The following ANGPT1 variants were observed in gnomAD, a reference collection of about 807,000 sequenced individuals.
ANGPT1 encodes angiopoietin-1.
A neutral mutation model predicts 62.2 loss-of-function variants in ANGPT1; 17 were observed. That is an observed-to-expected ratio of 0.27 (90% CI 0.19 to 0.41). The LOEUF is 0.41. Among genes scored for constraint, ANGPT1 ranks in the 10% least tolerant of loss-of-function variants. The probability of loss-of-function intolerance (pLI) is 1.00; values close to 1 mark genes in which losing one functional copy is unlikely to be tolerated. For synonymous variants in ANGPT1, 199 were observed against 198.9 expected, an observed-to-expected ratio of 1.00 and a Z score of 0.00; for missense variants, 478 against 594.9, an observed-to-expected ratio of 0.80 and a Z score of 2.04.
intron 1 of ANGPT1, among the ~76,000 whole-genome samples, chr8:107,482,579 C>T (rs950937078): frequency 6.6e-6 from 1 of 152,046 alleles, no homozygotes; most frequent in African/African-American, 2.4e-5. Flanking sequence ...TATGGCCCAG[C>T]CAGATTCAAG....
At chr8:107,273,151 GT>G (rs1375565376) in intron 7 of ANGPT1, among the ~76,000 whole-genome samples, 1 of 151,988 alleles carries the variant, frequency 6.6e-6, no homozygotes, top group Non-Finnish European at 1.5e-5. Flanking sequence ...ATTGAAATTG[GT>G]GATTTTTCAG....
chr8:107,428,043 T>A (rs1416818554), intron 1 of ANGPT1, among the ~76,000 whole-genome samples: 2 of 152,178 alleles, frequency 1.3e-5, no homozygotes, highest in African/African-American at 4.8e-5. Context: ...GCTTATCCAG[T>A]AGGAAAATTT....
At chr8:107,293,261 C>T (rs1814324949) in intron 6 of ANGPT1, among the ~76,000 whole-genome samples, 1 of 151,972 alleles carries the variant, frequency 6.6e-6, no homozygotes, top group Non-Finnish European at 1.5e-5. Flanking sequence ...TTGCAGACCC[C>T]AGTGAGCCAT....
At chr8:107,484,465 G>A (rs1237580750) in intron 1 of ANGPT1, among the ~76,000 whole-genome samples, 3 of 151,962 alleles carry the variant, frequency 2.0e-5, no homozygotes, top group African/African-American at 4.8e-5. Context: ...GCAGTGCCAC[G>A]ATCCCAGCTC....
chr8:107,478,938 T>C (rs939707340), intron 1 of ANGPT1, among the ~76,000 whole-genome samples: 1 of 152,208 alleles, frequency 6.6e-6, no homozygotes, highest in Non-Finnish European at 1.5e-5. Flanking sequence ...GTATATAACC[T>C]ACTTGTTCAC....
At chr8:107,369,415 A>C (rs1448559072) in intron 1 of ANGPT1, among the ~76,000 whole-genome samples, 1 of 152,164 alleles carries the variant, frequency 6.6e-6, no homozygotes, top group Non-Finnish European at 1.5e-5. Flanking sequence ...TCATATTAGT[A>C]ATAAGCCTAT....
At chr8:107,301,150 G>A (rs1230273176) in intron 5 of ANGPT1, among the ~76,000 whole-genome samples, 1 of 151,890 alleles carries the variant, frequency 6.6e-6, no homozygotes, top group African/African-American at 2.4e-5. Context: ...TACTGATGAT[G>A]AAGTCAAAAA....
rs143746750 is a variant in ANGPT1, at chr8:107,373,992, C to G, written c.298-26895G>C. Reference sequence around the variant, plus strand: ...GAAAGTCAGCTGTTTGGTTCCCTTTCCAAAGAATTTCTGAACTTAGCACCA... The same window carrying G: ...GAAAGTCAGCTGTTTGGTTCCCTTTGCAAAGAATTTCTGAACTTAGCACCA... On this transcript the variant is annotated intron_variant, in intron 1 of 8. Transcript: ENST00000517746. Among the ~76,000 whole-genome samples, 425 of 152,264 alleles carry G rather than the reference C, an allele frequency of 2.8e-3. 1 individual carries two copies. Among genetic ancestry groups the G allele is most frequent in the African/African-American group, 9.7e-3 (401 of 41,544 alleles).
chr8:107,471,853 A>G (rs1001802226), intron 1 of ANGPT1, among the ~76,000 whole-genome samples: 7 of 152,104 alleles, frequency 4.6e-5, no homozygotes, highest in African/African-American at 1.7e-4. Context: ...TATCAAATTC[A>G]GAGCAGCAAA....
At chr8:107,266,946 G>GAAATAA (rs1417568589) in intron 7 of ANGPT1, among the ~76,000 whole-genome samples, 1 of 151,986 alleles carries the variant, frequency 6.6e-6, no homozygotes, top group East Asian at 1.9e-4. Context: ...GCAAAAAGAA[G>GAAATAA]AAATAAAAAT....
chr8:107,489,213 AC>A (rs1287232590), intron 1 of ANGPT1, among the ~76,000 whole-genome samples: 7 of 152,194 alleles, frequency 4.6e-5, no homozygotes, highest in Non-Finnish European at 8.8e-5. Context: ...GGTACATATT[AC>A]TAGTGATTTA....
At chr8:107,309,715 G>T (rs545356382) in intron 4 of ANGPT1, among the ~76,000 whole-genome samples, 2 of 152,228 alleles carry the variant, frequency 1.3e-5, no homozygotes, top group South Asian at 4.2e-4. Context: ...GGAAAATGTT[G>T]AGGTTGGTAT....
chr8:107,394,875 T>C (rs1816905336), intron 1 of ANGPT1, among the ~76,000 whole-genome samples: 1 of 152,202 alleles, frequency 6.6e-6, no homozygotes, highest in Non-Finnish European at 1.5e-5. Flanking sequence ...CATAAAAATA[T>C]GTAGCTCTTC....
chr8:107,490,901 C>T (rs1475335159), intron 1 of ANGPT1, among the ~76,000 whole-genome samples: 3 of 152,122 alleles, frequency 2.0e-5, no homozygotes, highest in East Asian at 1.9e-4. Flanking sequence ...GGATTTGGCC[C>T]AAGGGCCATC....
intron 1 of ANGPT1, among the ~76,000 whole-genome samples, chr8:107,482,863 G>A (rs1812724153): frequency 6.6e-6 from 1 of 152,034 alleles, no homozygotes; most frequent in Non-Finnish European, 1.5e-5. Flanking sequence ...GGGTTGGAAT[G>A]ATGTGTCCTT....
Position 107,250,185 on chromosome 8 carries a change from G to C in ANGPT1, c.*1670C>G, listed in dbSNP as rs1256478863. On this transcript the variant is annotated 3_prime_UTR_variant, in exon 9 of 9. Coordinates refer to ENST00000517746, the MANE Select transcript of ANGPT1 (RefSeq NM_001146.5). ...CCAACAACTGTCTCTTTTATGAGAG[G>C]AGGCCCAGTAGCTTTATTTCAATTT... 5 of 152,138 alleles carry C rather than the reference G, an allele frequency of 3.3e-5. No homozygotes were observed. The highest frequency in any genetic ancestry group is 7.2e-5 in the African/African-American group (3 of 41,444). The allele number at this position is 152,138 out of a possible 1,614,324, so 9.4% of individuals were successfully genotyped here. A position where few individuals can be genotyped will look rare whatever the true frequency, so the allele number is the denominator to read the frequency against.
At chr8:107,403,613 A>T (rs1586293722) in intron 1 of ANGPT1, among the ~76,000 whole-genome samples, 1 of 152,088 alleles carries the variant, frequency 6.6e-6, no homozygotes, top group East Asian at 1.9e-4. Context: ...TATACACCAA[A>T]ATGCTAACAC....
At position 107,305,712 on chromosome 8, in the gene ANGPT1, T is replaced by C. The variant is rs1415753707; in HGVS notation, c.809-2345A>G. Among the ~76,000 whole-genome samples the C allele has an allele frequency of 3.9e-5, 6 of 152,178 alleles. No individual in the cohort carries two copies. In the South Asian group the frequency reaches 6.2e-4, roughly 16 times the overall value. On this transcript the variant is annotated intron_variant, in intron 4 of 8. Transcript: ENST00000517746. ...TATGGTAACATATCTGAAATAGATA[T>C]TGTATTTTCTTGAAATTTAATTTGG...
intron 7 of ANGPT1, among the ~76,000 whole-genome samples, chr8:107,272,289 C>T (rs138273796): frequency 6.6e-6 from 1 of 152,138 alleles, no homozygotes; most frequent in African/African-American, 2.4e-5. Context: ...CAGAAAACCT[C>T]ACCCCAAATG....
Sources: allele counts gnomAD v4.1 joint callset (sites outside exome capture counted in the v4.1 genomes callset), GRCh38; gene constraint gnomAD v4.1.1; transcripts MANE v1.5; gene names NCBI Gene and HGNC (gene_info 2026-07-23, HGNC 2026-07-21).